The following CPS1 variants were observed in gnomAD, a reference collection of about 807,000 sequenced individuals.
CPS1 encodes carbamoyl-phosphate synthase 1, also known as carbamoyl-phosphate synthase [ammonia], mitochondrial.
CPS1 carries 109 observed loss-of-function variants against 174.6 expected under a neutral mutation model. The ratio of observed to expected loss-of-function variants is 0.62; its 90% CI spans 0.53 to 0.73. CPS1 has a LOEUF of 0.73. Ranked by LOEUF, CPS1 falls within the 30% of genes least tolerant of loss-of-function variation. The pLI is 0.00. For missense variants in CPS1, 1,689 were observed against 1,821.9 expected, an observed-to-expected ratio of 0.93 and a Z score of 1.33; for synonymous variants, 637 against 632.0, an observed-to-expected ratio of 1.01 and a Z score of -0.12.
chr2:210,576,521 T>C, intron 3 of CPS1, 31 bp downstream of exon 3: 1 of 1,612,652 alleles, frequency 6.2e-7, no homozygotes, highest in Non-Finnish European at 8.5e-7. Context: ...TTAAAAAGTC[T>C]CAATTTGAGG....
chr2:210,652,385 C>T (rs894904199), intron 28 of CPS1, among the ~76,000 whole-genome samples: 3 of 152,056 alleles, frequency 2.0e-5, no homozygotes, highest in African/African-American at 7.2e-5. Context: ...AGACCAAATT[C>T]ATGGAAAGAG....
intron 1 of CPS1, among the ~76,000 whole-genome samples, chr2:210,491,316 T>G (rs891523471): frequency 8.3e-6 from 1 of 120,418 alleles, no homozygotes; most frequent in Non-Finnish European, 1.7e-5. Flanking sequence ...TGTTTTTTTT[T>G]TTTTTTTTTT....
At chr2:210,668,832 C>T (rs936647070) in intron 34 of CPS1, among the ~76,000 whole-genome samples, 3 of 152,142 alleles carry the variant, frequency 2.0e-5, no homozygotes, top group Non-Finnish European at 4.4e-5. Context: ...TCAAATCCAA[C>T]GTTTCTCAAA....
chr2:210,601,929 A>G (rs1005030025), intron 15 of CPS1, among the ~76,000 whole-genome samples: 2 of 151,880 alleles, frequency 1.3e-5, no homozygotes, highest in Admixed American at 1.3e-4. Context: ...TTCTGCTTTG[A>G]CCATGGTTCT....
intron 4 of CPS1, 85 bp from the exon 5 acceptor site, chr2:210,579,629 G>A (rs1328585472): frequency 4.7e-6 from 5 of 1,054,358 alleles, no homozygotes; most frequent in Non-Finnish European, 7.4e-6. Context: ...CAAGAAGATA[G>A]ATGAGGCCAA....
chr2:210,615,209 C>T (rs748385616), intron 20 of CPS1, among the ~76,000 whole-genome samples: 5 of 150,622 alleles, frequency 3.3e-5, no homozygotes, highest in East Asian at 2.0e-4. Flanking sequence ...TGTAGATGGC[C>T]GACAGCTAAT....
At chr2:210,574,390 A>G (rs1697616261) in intron 2 of CPS1, among the ~76,000 whole-genome samples, 1 of 152,100 alleles carries the variant, frequency 6.6e-6, no homozygotes, top group South Asian at 2.1e-4. Flanking sequence ...GATACTGAAT[A>G]TACTAATTGA....
chr2:210,518,706 A>G (rs550242374), intron 1 of CPS1, among the ~76,000 whole-genome samples: 3 of 152,124 alleles, frequency 2.0e-5, no homozygotes, highest in African/African-American at 7.2e-5. Context: ...CTAACTTATT[A>G]AGCTTCGGCT....
intron 1 of CPS1, among the ~76,000 whole-genome samples, chr2:210,530,904 T>A (rs1696099281): frequency 6.6e-6 from 1 of 151,952 alleles, no homozygotes; most frequent in Non-Finnish European, 1.5e-5. Context: ...TAATCATTCC[T>A]TGCAGTTAAT....
intron 21 of CPS1, among the ~76,000 whole-genome samples, chr2:210,633,264 C>CT (rs549845940): frequency 2.7e-5 from 4 of 148,784 alleles, no homozygotes; most frequent in Admixed American, 6.7e-5. Context: ...TGACAGATGG[C>CT]TTTTTTTTTT....
chr2:210,652,122 T>C (rs2105912929), intron 28 of CPS1, among the ~76,000 whole-genome samples: 1 of 151,776 alleles, frequency 6.6e-6, no homozygotes, highest in African/African-American at 2.4e-5. Flanking sequence ...ATTGTGGGAG[T>C]AGGAGGAAGA....
At chr2:210,566,883 A>G (rs1381360457) in intron 1 of CPS1, among the ~76,000 whole-genome samples, 1 of 152,140 alleles carries the variant, frequency 6.6e-6, no homozygotes, top group Non-Finnish European at 1.5e-5. Flanking sequence ...TCTCGGTGAC[A>G]CAACATGCTC....
chr2:210,594,177 ATTG>A (rs1003745223), intron 11 of CPS1, among the ~76,000 whole-genome samples: 25 of 151,980 alleles, frequency 1.6e-4, no homozygotes, highest in African/African-American at 5.8e-4. Flanking sequence ...TATAGCTTCA[ATTG>A]TTATATCCAC....
chr2:210,676,723 A>G (rs1416735104), intron 36 of CPS1, among the ~76,000 whole-genome samples: 1 of 152,202 alleles, frequency 6.6e-6, no homozygotes, highest in African/African-American at 2.4e-5. Flanking sequence ...TTAAAAAATA[A>G]GTATCTATCA....
At chr2:210,585,992 A>G (rs543401375) in intron 6 of CPS1, among the ~76,000 whole-genome samples, 15 of 151,860 alleles carry the variant, frequency 9.9e-5, no homozygotes, top group African/African-American at 3.6e-4. Flanking sequence ...AGGCGTATAG[A>G]GGACATTTCA....
intron 1 of CPS1, among the ~76,000 whole-genome samples, chr2:210,501,721 C>A (rs567965336): frequency 7.9e-5 from 12 of 152,260 alleles, no homozygotes; most frequent in African/African-American, 2.9e-4. Flanking sequence ...TAGTCAAAAC[C>A]ATTAGACAAG....
intron 15 of CPS1, among the ~76,000 whole-genome samples, chr2:210,601,333 G>A (rs574333642): frequency 1.3e-5 from 2 of 152,074 alleles, no homozygotes; most frequent in East Asian, 3.9e-4. Flanking sequence ...AGCTGGTGAA[G>A]TGGAGGTGCT....
At chr2:210,525,633 A>G (rs1310446230) in intron 1 of CPS1, among the ~76,000 whole-genome samples, 1 of 150,326 alleles carries the variant, frequency 6.7e-6, no homozygotes, top group Non-Finnish European at 1.5e-5. Context: ...GACACAATAG[A>G]GGTCTAAAAG....
At chr2:210,593,711 A>G in intron 11 of CPS1, 1 of 932,224 alleles carries the variant, frequency 1.1e-6, no homozygotes, top group Non-Finnish European at 1.3e-6. Flanking sequence ...TTCTTTCTGC[A>G]AGCTCTGCTC....
Sources: gnomAD v4.1 joint callset for allele counts (sites outside exome capture counted in the v4.1 genomes callset) on GRCh38, gnomAD v4.1.1 for gene constraint, MANE v1.5 for transcripts, NCBI Gene and HGNC (gene_info 2026-07-23, HGNC 2026-07-21) for gene names.